Variants in CMTR1 observed in about 807,000 individuals in gnomAD.
CMTR1 encodes cap-specific mRNA (nucleoside-2'-O-)-methyltransferase 1.
In CMTR1, 39 loss-of-function variants were observed where a neutral mutation model predicts 107.0. The observed-to-expected ratio is 0.36, with a 90% CI of 0.28 to 0.48. The LOEUF is 0.48. Ranked by LOEUF, CMTR1 falls within the 20% of genes least tolerant of loss-of-function variation. The probability of loss-of-function intolerance (pLI) is 0.99; values close to 1 mark genes in which losing one functional copy is unlikely to be tolerated. For missense variants in CMTR1, 672 were observed against 1,064.9 expected (o/e 0.63, Z 5.14); for synonymous variants, 366 against 379.5 (o/e 0.96, Z 0.41).
Position 37,450,348 on chromosome 6 carries a change from G to GCTTTCAGGAAAACGTA in CMTR1, c.537+7_537+22dup. 2 of 1,611,906 alleles carry GCTTTCAGGAAAACGTA rather than the reference G, an allele frequency of 1.2e-6. No individual in the cohort carries two copies. Among genetic ancestry groups the GCTTTCAGGAAAACGTA allele is most frequent in the Non-Finnish European group, 1.7e-6 (2 of 1,178,008 alleles). ...GATTGGATGGTGGTGGGAAAGGTAG[G>GCTTTCAGGAAAACGTA]CTTTCAGGAAAACGTACCCTGACTT... On this transcript the variant is annotated splice_donor_region_variant and intron_variant, in intron 5 of 23. Transcript: ENST00000373451.
At chr6:37,451,399 G>C (rs1292859334) in intron 5 of CMTR1, among the ~76,000 whole-genome samples, 1 of 152,174 alleles carries the variant, frequency 6.6e-6, no homozygotes, top group Non-Finnish European at 1.5e-5. Context: ...TCAGTGCCTG[G>C]TATCATGTAT....
chr6:37,450,408 C>T, intron 5 of CMTR1, 65 bp downstream of exon 5: 1 of 1,208,910 alleles, frequency 8.3e-7, no homozygotes, highest in Admixed American at 1.7e-5. Context: ...TTGCTCGAGT[C>T]TGGTATTTAC....
At position 37,480,080 on chromosome 6, in the gene CMTR1, C is replaced by T; in HGVS notation, c.2443C>T (p.Pro815Ser). 1 of 1,591,102 alleles carries T rather than the reference C, an allele frequency of 6.3e-7. No homozygotes were observed. Among genetic ancestry groups the T allele is most frequent in the Non-Finnish European group, 8.5e-7 (1 of 1,171,478 alleles). Reference protein sequence around the residue: ...DGIRVHDSQKPQDQDKLSKED... With the variant: ...DGIRVHDSQKSQDQDKLSKED... Reference sequence around the variant, plus strand: ...CATTCGTGTGCATGACTCCCAGAAGCCCCAGGACCAGGACAAGCTGTCCAA... The same window carrying T: ...CATTCGTGTGCATGACTCCCAGAAGTCCCAGGACCAGGACAAGCTGTCCAA... Residue 815 changes from proline to serine, a missense_variant, in exon 24 of 24, where the codon CCC (proline) becomes TCC (serine). By Grantham distance (74) the Pro-to-Ser change is moderately conservative. This residue lies in a region of CMTR1 where 583 missense variants were observed against 968.4 expected (regional missense o/e 0.60). Coordinates refer to ENST00000373451, the MANE Select transcript of CMTR1 (RefSeq NM_015050.3).
chr6:37,466,119 T>G (rs1177426929), intron 13 of CMTR1, among the ~76,000 whole-genome samples: 2 of 149,046 alleles, frequency 1.3e-5, no homozygotes, highest in African/African-American at 4.9e-5. Context: ...TTTTTGTTTT[T>G]TTTTTTTTTT....
intron 13 of CMTR1, among the ~76,000 whole-genome samples, chr6:37,463,248 C>T (rs560980415): frequency 1.3e-5 from 2 of 152,348 alleles, no homozygotes; most frequent in African/African-American, 4.8e-5. Flanking sequence ...TATAGGCCTG[C>T]CTGCAGGAGC....
chr6:37,457,055 TA>T (rs759840483), intron 8 of CMTR1, among the ~76,000 whole-genome samples: 764 of 139,508 alleles, frequency 5.5e-3, no homozygotes, highest in African/African-American at 5.0e-3. Context: ...ATCCTGTCTC[TA>T]AAAAAAAAAA....
chr6:37,425,776 A>G, the CMTR1 span, among the ~76,000 whole-genome samples: 110,821 of 151,974 alleles, frequency 0.73, 41,082 homozygotes, highest in African/African-American at 0.84. Flanking sequence ...CTTTGAGTTC[A>G]TTTTATTTGG....
upstream of CMTR1, among the ~76,000 whole-genome samples, chr6:37,430,608 G>C (rs554921848): frequency 6.6e-6 from 1 of 151,856 alleles, no homozygotes; most frequent in African/African-American, 2.4e-5. Flanking sequence ...AAAAATCTTT[G>C]TCTACCCTAA....
At chr6:37,432,335 C>A (rs554034281), upstream of CMTR1, among the ~76,000 whole-genome samples, 12 of 152,246 alleles carry the variant, frequency 7.9e-5, no homozygotes, top group African/African-American at 2.9e-4. Flanking sequence ...TTTAAATTCC[C>A]TTCTTTTCAC....
chr6:37,471,971 C>G, intron 15 of CMTR1, 67 bp downstream of exon 15: 5 of 1,449,064 alleles, frequency 3.5e-6, no homozygotes, highest in Non-Finnish European at 4.8e-6. Flanking sequence ...GGGGTTGACT[C>G]CCAATCCTGT....
chr6:37,452,423 C>G (rs377585957), intron 6 of CMTR1, among the ~76,000 whole-genome samples: 16 of 152,246 alleles, frequency 1.1e-4, no homozygotes, highest in Admixed American at 3.9e-4. Flanking sequence ...GCAGAATGAG[C>G]CAGGGAAACT....
chr6:37,456,703 A>G (rs1761302610), intron 8 of CMTR1, among the ~76,000 whole-genome samples: 1 of 152,138 alleles, frequency 6.6e-6, no homozygotes, highest in African/African-American at 2.4e-5. Flanking sequence ...AGTGTTCATC[A>G]TGGTCTGAGG....
chr6:37,429,491 A>C (rs2113856076), upstream of CMTR1, among the ~76,000 whole-genome samples: 1 of 152,354 alleles, frequency 6.6e-6, no homozygotes, highest in African/African-American at 2.4e-5. Context: ...AAACCAGTAA[A>C]GTTTCAGAGA....
At chr6:37,436,132 C>T (rs569548005) in intron 2 of CMTR1, among the ~76,000 whole-genome samples, 5 of 152,262 alleles carry the variant, frequency 3.3e-5, no homozygotes, top group South Asian at 4.1e-4. Context: ...CTCTTTGCTG[C>T]GGCCGTCGAG....
intron 16 of CMTR1, 69 bp from the exon 17 acceptor site, chr6:37,473,401 A>C (rs2113892665): frequency 1.9e-6 from 3 of 1,549,902 alleles, no homozygotes; most frequent in South Asian, 2.5e-5. Context: ...GCCTGCCCCC[A>C]GCCCAGATAG....
chr6:37,479,359 GC>G, intron 23 of CMTR1, 104 bp downstream of exon 23: 1 of 821,758 alleles, frequency 1.2e-6, no homozygotes, highest in Non-Finnish European at 2.1e-6. Context: ...TGAGACTGTT[GC>G]CCATGCAGGG....
chr6:37,448,210 C>A (rs1364895663), intron 4 of CMTR1, among the ~76,000 whole-genome samples: 467 of 90,796 alleles, frequency 5.1e-3, no homozygotes, highest in East Asian at 0.012. Flanking sequence ...GATTCCGTCT[C>A]AAAAAAAAAA....
At chr6:37,466,108 G>GTTTTTTTTTTTTTT (rs747910111) in intron 13 of CMTR1, among the ~76,000 whole-genome samples, 2 of 127,712 alleles carry the variant, frequency 1.6e-5, no homozygotes, top group Non-Finnish European at 1.7e-5. Context: ...GAGTTTTACA[G>GTTTTTTTTTTTTTT]TTTTTGTTTT....
At chr6:37,452,697 C>T (rs1229454145) in intron 6 of CMTR1, among the ~76,000 whole-genome samples, 1 of 152,138 alleles carries the variant, frequency 6.6e-6, no homozygotes, top group African/African-American at 2.4e-5. Flanking sequence ...AGCCTTCATA[C>T]CAGAACTTTG....
Sources: allele counts gnomAD v4.1 joint callset (sites outside exome capture counted in the v4.1 genomes callset), GRCh38; gene constraint gnomAD v4.1.1; regional missense constraint gnomAD v4.1.1; transcripts MANE v1.5; gene names NCBI Gene and HGNC (gene_info 2026-07-23, HGNC 2026-07-21).